DENND5B: variants seen among roughly 807,000 people sequenced by gnomAD.
DENND5B encodes the protein DENN domain containing 5B, also known as DENN domain-containing protein 5B.
In DENND5B, 34 loss-of-function variants were observed where a neutral mutation model predicts 140.6. That is an observed-to-expected ratio of 0.24 (90% CI 0.18 to 0.32). The LOEUF is 0.32. Ranked by LOEUF, DENND5B falls within the 10% of genes least tolerant of loss-of-function variation. DENND5B has a pLI of 1.00. For synonymous variants in DENND5B, 551 were observed against 562.1 expected (o/e 0.98, Z 0.28); for missense variants, 1,142 against 1,560.2 (o/e 0.73, Z 4.52).
intron 2 of DENND5B, among the ~76,000 whole-genome samples, chr12:31,483,479 C>A (rs1432745052): frequency 6.6e-6 from 1 of 151,282 alleles, no homozygotes; most frequent in Non-Finnish European, 1.5e-5. Flanking sequence ...CTTGCTCTGT[C>A]ACCCAGGCTG....
intron 4 of DENND5B, among the ~76,000 whole-genome samples, chr12:31,458,310 A>ATAT: frequency 6.6e-6 from 1 of 152,270 alleles, no homozygotes; most frequent in East Asian, 1.9e-4. Flanking sequence ...ATCTTATAAA[A>ATAT]TATTACATGG....
chr12:31,576,509 G>GAAAAGAA (rs974163501), intron 1 of DENND5B, among the ~76,000 whole-genome samples: 6 of 151,114 alleles, frequency 4.0e-5, no homozygotes, highest in African/African-American at 1.5e-4. Context: ...AAGAGAGAAA[G>GAAAAGAA]AAAAGAAAAA....
intron 4 of DENND5B, among the ~76,000 whole-genome samples, chr12:31,454,286 C>T (rs1021569485): frequency 2.0e-5 from 3 of 152,188 alleles, no homozygotes; most frequent in Non-Finnish European, 4.4e-5. Context: ...TAGGTGACTT[C>T]CTGGCACCTG....
intron 1 of DENND5B, among the ~76,000 whole-genome samples, chr12:31,516,208 C>T (rs1056926775): frequency 2.0e-5 from 3 of 152,004 alleles, no homozygotes; most frequent in Non-Finnish European, 4.4e-5. Context: ...TGGGTGGGCA[C>T]GGTGGCTCGC....
Position 31,438,779 on chromosome 12 carries a change from G to A in DENND5B, c.2012+3996C>T, listed in dbSNP as rs77005765. ...CAGTATAACACAAAGTTTGCTCAGG[G>A]ATTTTAAAAATTAGGGTTAATGGGC... On this transcript the variant is annotated intron_variant, in intron 7 of 20. Transcript: ENST00000389082. Among the ~76,000 whole-genome samples the A allele has an allele frequency of 9.0e-3, 1,364 of 152,078 alleles. 28 individuals are homozygous for A. Among genetic ancestry groups the A allele is most frequent in the African/African-American group, 0.032 (1,309 of 41,478 alleles).
rs191006641 is a variant in DENND5B, at chr12:31,480,442, T to A, written c.238-187A>T. Among the ~76,000 whole-genome samples, 633 of 152,286 alleles carry A rather than the reference T, an allele frequency of 4.2e-3. 5 individuals are homozygous for A. The highest frequency in any genetic ancestry group is 0.014 in the African/African-American group (577 of 41,556). On this transcript the variant is annotated intron_variant, in intron 2 of 20. Transcript: ENST00000389082. ...ATACACATGTATATAAAATTATTCT[T>A]AAAAGGAGTATATACAAGGGAAAAA...
intron 14 of DENND5B, among the ~76,000 whole-genome samples, chr12:31,405,497 C>A (rs1371106600): frequency 6.6e-6 from 1 of 151,176 alleles, no homozygotes; most frequent in Admixed American, 6.6e-5. Flanking sequence ...AGACTACCGG[C>A]ATGAGCCACC....
At chr12:31,461,327 A>AT (rs1287970251) in intron 3 of DENND5B, among the ~76,000 whole-genome samples, 1 of 152,178 alleles carries the variant, frequency 6.6e-6, no homozygotes, top group African/African-American at 2.4e-5. Flanking sequence ...CAAAACTATC[A>AT]TATCTGGGTA....
intron 3 of DENND5B, among the ~76,000 whole-genome samples, chr12:31,473,626 T>C (rs1374087151): frequency 2.0e-5 from 3 of 152,210 alleles, no homozygotes; most frequent in Non-Finnish European, 2.9e-5. Flanking sequence ...ATCAGGGTGC[T>C]GGACTACAGA....
At chr12:31,569,424 G>T (rs1175499830) in intron 1 of DENND5B, among the ~76,000 whole-genome samples, 1 of 152,170 alleles carries the variant, frequency 6.6e-6, no homozygotes. Context: ...AGTAGGAGCA[G>T]TGAGCTGGGC....
intron 16 of DENND5B, among the ~76,000 whole-genome samples, chr12:31,399,136 AAAAAAAAAAGAG>A (rs1452637723): frequency 0.011 from 1,531 of 144,174 alleles, 137 homozygotes; most frequent in African/African-American, 0.038. Context: ...CCAAAAAAAA[AAAAAAAAAAGAG>A]AGAGAAAGAA....
At chr12:31,549,190 A>ATGCC (rs1272264521) in intron 1 of DENND5B, among the ~76,000 whole-genome samples, 1 of 152,148 alleles carries the variant, frequency 6.6e-6, no homozygotes, top group Non-Finnish European at 1.5e-5. Context: ...ATGAGCCACC[A>ATGCC]TGCCTGGCCA....
chr12:31,451,765 G>A, intron 5 of DENND5B, 175 bp downstream of exon 5: 1 of 669,634 alleles, frequency 1.5e-6, no homozygotes, highest in Non-Finnish European at 2.4e-6. Context: ...AAAAATACTT[G>A]GTAAAGAAAA....
rs962721003 is a variant in DENND5B, at chr12:31,583,442, C to T, written c.127+7264G>A. Among the ~76,000 whole-genome samples, 8 of 151,586 alleles carry T rather than the reference C, an allele frequency of 5.3e-5. No individual in the cohort carries two copies. In the East Asian group the frequency reaches 7.8e-4, roughly 15 times the overall value. ...CTGTAATCCTAGCACTTTGGGAGGC[C>T]GAGGCAGGAGGATCACCTGAGGTCA... is the stretch of plus-strand genomic sequence containing the variant. On this transcript the variant is annotated intron_variant, in intron 1 of 20. Coordinates refer to ENST00000389082, the MANE Select transcript of DENND5B (RefSeq NM_144973.4).
At chr12:31,507,117 C>T (rs59628053) in intron 1 of DENND5B, among the ~76,000 whole-genome samples, 23,241 of 151,902 alleles carry the variant, frequency 0.15, 2,021 homozygotes, top group East Asian at 0.25. Flanking sequence ...ACATTCCCGT[C>T]GTCACTCAGG....
intron 1 of DENND5B, among the ~76,000 whole-genome samples, chr12:31,543,180 C>G (rs1349035843): frequency 6.6e-6 from 1 of 152,118 alleles, no homozygotes; most frequent in African/African-American, 2.4e-5. Context: ...TGCACTCCAG[C>G]TTTGGTGACA....
In DENND5B at chr12:31,402,368, A is replaced by G. The variant is rs180991927; in HGVS notation, c.2949+130T>C. 1.9e-4 allele frequency: 227 copies of G among 1,184,870 alleles called. 1 individual carries two copies. The highest frequency in any genetic ancestry group is 1.0e-3 in the Admixed American group (38 of 36,550). 73.4% of individuals were successfully genotyped at this position (1,184,870 alleles called of 1,614,324 possible). On this transcript the variant is annotated intron_variant, in intron 15 of 20. Transcript: ENST00000389082. ...AGACAACTTTAGACATATAATCACA[A>G]AAATGATCCTGCACGCTTTGAGTGT...
intron 1 of DENND5B, among the ~76,000 whole-genome samples, chr12:31,516,529 C>G (rs1565656126): frequency 6.6e-6 from 1 of 151,330 alleles, no homozygotes; most frequent in Non-Finnish European, 1.5e-5. Flanking sequence ...AACCTTGGCC[C>G]ATTATCTATT....
In DENND5B at chr12:31,483,093, T is replaced by TC. The variant is rs142929245; in HGVS notation, c.238-2839dup. The stretch of plus-strand genomic sequence containing the variant: ...CTCTTCCCTTTTCCAGCAGCTTTCT[T>TC]CCCCTTGGTATCCACATGACTCATT... On this transcript the variant is annotated intron_variant, in intron 2 of 20. Coordinates refer to ENST00000389082, the MANE Select transcript of DENND5B (RefSeq NM_144973.4). 5.3e-3 allele frequency among the ~76,000 whole-genome samples: 800 copies of TC among 152,324 alleles called. 6 individuals carry two copies. Among genetic ancestry groups the TC allele is most frequent in the African/African-American group, 0.018 (765 of 41,572 alleles).
Sources: allele counts gnomAD v4.1 joint callset (sites outside exome capture counted in the v4.1 genomes callset), GRCh38; gene constraint gnomAD v4.1.1; transcripts MANE v1.5; gene names NCBI Gene and HGNC (gene_info 2026-07-23, HGNC 2026-07-21).